Variants in KDM1B observed in about 807,000 individuals in gnomAD.
KDM1B encodes the protein lysine demethylase 1B, also known as lysine-specific histone demethylase 2.
KDM1B carries 63 observed loss-of-function variants against 107.4 expected under a neutral mutation model. That is an observed-to-expected ratio of 0.59 (90% CI 0.48 to 0.72). KDM1B has a LOEUF of 0.72. Among genes scored for constraint, KDM1B ranks in the 30% least tolerant of loss-of-function variants. The probability of loss-of-function intolerance (pLI) is 0.00; values close to 1 mark genes in which losing one functional copy is unlikely to be tolerated. For missense variants in KDM1B, 749 were observed against 1,020.8 expected (o/e 0.73, Z 3.63); for synonymous variants, 363 against 363.9 (o/e 1.00, Z 0.03).
intron 14 of KDM1B, among the ~76,000 whole-genome samples, chr6:18,202,729 T>G (rs1788119290): frequency 6.6e-6 from 1 of 152,214 alleles, no homozygotes; most frequent in South Asian, 2.1e-4. Context: ...AGTTCATCTC[T>G]GTTTGGGGTA....
At chr6:18,163,298 G>C (rs888599900) in intron 5 of KDM1B, among the ~76,000 whole-genome samples, 2 of 152,100 alleles carry the variant, frequency 1.3e-5, no homozygotes, top group Non-Finnish European at 2.9e-5. Context: ...GGGCTCAAAA[G>C]ATCTGCCTGC....
rs190241501 is a variant in KDM1B, at chr6:18,186,742, G to A, written c.573+932G>A. On this transcript the variant is annotated intron_variant, in intron 8 of 21. Transcript: ENST00000650836. This position sits in a 1 kb window ranked among gnomAD's most constrained non-coding sequence, Gnocchi z 5.6. ...AGGAAGCAAATGTGTCCTTCATGAT[G>A]GCTGGAAGGAGAAGTGTCAAGCAAA... Among the ~76,000 whole-genome samples the A allele has an allele frequency of 6.6e-6, 1 of 152,136 alleles. No individual in the cohort carries two copies. Among genetic ancestry groups the A allele is most frequent in the East Asian group, 1.9e-4 (1 of 5,166 alleles).
At position 18,185,229 on chromosome 6, in the gene KDM1B, C is replaced by T. The variant is rs577719991; in HGVS notation, c.535-543C>T. 7.9e-4 allele frequency among the ~76,000 whole-genome samples: 119 copies of T among 151,578 alleles called. 1 individual carries two copies. The highest frequency in any genetic ancestry group is 1.2e-3 in the Non-Finnish European group (82 of 67,970). On this transcript the variant is annotated intron_variant, in intron 7 of 21. Transcript: ENST00000650836. ...ATGTTCGTATTTTGTCACCGCCCTT[C>T]GTGGTTGTTATATGCCTTTATTTTC...
intron 20 of KDM1B, among the ~76,000 whole-genome samples, chr6:18,215,465 C>T (rs1053936325): frequency 4.6e-5 from 7 of 152,244 alleles, no homozygotes; most frequent in Non-Finnish European, 2.9e-5. Flanking sequence ...TGTGTCCTCA[C>T]ATGGGCTTCC....
intron 7 of KDM1B, among the ~76,000 whole-genome samples, chr6:18,181,507 G>C (rs908544391): frequency 1.3e-5 from 2 of 152,220 alleles, no homozygotes; most frequent in Non-Finnish European, 2.9e-5. Flanking sequence ...GCTCATGCCT[G>C]TAATTTCAGC....
chr6:18,213,631 C>T lies in KDM1B; in HGVS notation c.1984-25C>T. On this transcript the variant is annotated intron_variant, in intron 18 of 21. Coordinates refer to ENST00000650836, the MANE Select transcript of KDM1B (RefSeq NM_001364614.2). The surrounding 1 kb of genome is among the most constrained non-coding windows in gnomAD (Gnocchi z 5.9). Reference sequence around the variant, plus strand: ...GGTTTTGTGACGACAGACACCTAACCACCTTTCTTCTGCTCACTTTGCAGA... The same window carrying T: ...GGTTTTGTGACGACAGACACCTAACTACCTTTCTTCTGCTCACTTTGCAGA... 6.2e-7 allele frequency: 1 copy of T among 1,613,388 alleles called. No homozygotes were observed. Among genetic ancestry groups the T allele is most frequent in the South Asian group, 1.1e-5 (1 of 91,016 alleles).
At chr6:18,199,748 T>C (rs1787912502) in intron 12 of KDM1B, among the ~76,000 whole-genome samples, 1 of 151,986 alleles carries the variant, frequency 6.6e-6, no homozygotes, top group South Asian at 2.1e-4. Flanking sequence ...TTAAAGCTTA[T>C]TTGCAGTCCT....
chr6:18,180,479 T>C (rs1786384250), intron 7 of KDM1B, among the ~76,000 whole-genome samples: 1 of 152,208 alleles, frequency 6.6e-6, no homozygotes, highest in Non-Finnish European at 1.5e-5. Flanking sequence ...TATGCGATGA[T>C]TCTAAAAGTT....
intron 21 of KDM1B, 69 bp from the exon 22 acceptor site, chr6:18,221,840 C>T: frequency 7.9e-7 from 1 of 1,266,022 alleles, no homozygotes; most frequent in Non-Finnish European, 1.1e-6. Context: ...TAAAGTCTAA[C>T]CTTGTTTTAC....
chr6:18,209,488 A>G lies in KDM1B; in HGVS notation c.1866+1282A>G, dbSNP rs1788666030. Among the ~76,000 whole-genome samples the G allele has an allele frequency of 1.3e-5, 2 of 152,198 alleles. No individual in the cohort carries two copies. The highest frequency in any genetic ancestry group is 1.3e-4 in the Admixed American group (2 of 15,282). ...CCTAACATTATTCCTGCCATTAACCAACTCGGAGATCTTGGGCAGCAATCC... is the reference window on the plus strand; with the variant it reads ...CCTAACATTATTCCTGCCATTAACCGACTCGGAGATCTTGGGCAGCAATCC... On this transcript the variant is annotated intron_variant, in intron 17 of 21. Transcript: ENST00000650836. This position sits in a 1 kb window ranked among gnomAD's most constrained non-coding sequence, Gnocchi z 4.3.
chr6:18,160,481 G>A (rs1254649169), intron 3 of KDM1B, among the ~76,000 whole-genome samples: 1 of 152,168 alleles, frequency 6.6e-6, no homozygotes, highest in East Asian at 1.9e-4. Context: ...TACACCACCT[G>A]CAATCCCAGC....
At chr6:18,208,627 ATTTTTTTTTTTTTTTT>A (rs1167715268) in intron 17 of KDM1B, among the ~76,000 whole-genome samples, 3 of 25,724 alleles carry the variant, frequency 1.2e-4, no homozygotes, top group Admixed American at 8.1e-4. Context: ...ATATATATAT[ATTTTTTTTTTTTTTTT>A]TTTTTTTTTT....
At chr6:18,158,766 T>C (rs981445001) in intron 2 of KDM1B, among the ~76,000 whole-genome samples, 1 of 152,204 alleles carries the variant, frequency 6.6e-6, no homozygotes, top group Non-Finnish European at 1.5e-5. Flanking sequence ...TCTTAATCTT[T>C]CATAGCTGCT....
chr6:18,197,516 T>G lies in KDM1B; in HGVS notation c.1147-71T>G. 1 of 1,219,328 alleles carries G rather than the reference T, an allele frequency of 8.2e-7. No homozygotes were observed. Among genetic ancestry groups the G allele is most frequent in the Non-Finnish European group, 1.2e-6 (1 of 833,016 alleles). 75.5% of individuals were successfully genotyped at this position (1,219,328 alleles called of 1,614,324 possible). A position where few individuals can be genotyped will look rare whatever the true frequency, so the allele number is the denominator to read the frequency against. On this transcript the variant is annotated intron_variant, in intron 11 of 21. Coordinates refer to ENST00000650836, the MANE Select transcript of KDM1B (RefSeq NM_001364614.2). This position sits in a 1 kb window ranked among gnomAD's most constrained non-coding sequence, Gnocchi z 4.5. ...GTAAATGAACGAATTTGCTCTGCAG[T>G]TCCGGAACAACTAAAACAGGACGTT...
Position 18,175,427 on chromosome 6 carries a change from C to T in KDM1B, c.534+3948C>T, listed in dbSNP as rs183063476. ...GGTTGTGAAGATTTTCTCCCACTCT[C>T]TGGGTTGTCTGTTTACTCTGCTGAT... On this transcript the variant is annotated intron_variant, in intron 7 of 21. Transcript: ENST00000650836. 3.7e-4 allele frequency among the ~76,000 whole-genome samples: 56 copies of T among 152,278 alleles called. 1 individual carries two copies. Among genetic ancestry groups the T allele is most frequent in the African/African-American group, 1.3e-3 (55 of 41,568 alleles).
At chr6:18,160,748 A>G (rs1272121408) in intron 3 of KDM1B, among the ~76,000 whole-genome samples, 1 of 149,528 alleles carries the variant, frequency 6.7e-6, no homozygotes, top group East Asian at 2.0e-4. Context: ...AAAAAAAAAA[A>G]TAGAGGGTAT....
chr6:18,179,775 C>T (rs745681791), intron 7 of KDM1B, among the ~76,000 whole-genome samples: 1 of 148,570 alleles, frequency 6.7e-6, no homozygotes, highest in African/African-American at 2.5e-5. Flanking sequence ...AAGCATTGAC[C>T]TGAGCCTGGG....
chr6:18,210,171 G>T (rs1317517615), intron 17 of KDM1B, among the ~76,000 whole-genome samples: 1 of 152,102 alleles, frequency 6.6e-6, no homozygotes, highest in Admixed American at 6.6e-5. Context: ...CCCCAAACTT[G>T]TAAGAGAATA....
intron 9 of KDM1B, 84 bp downstream of exon 9, chr6:18,188,086 T>C: frequency 8.0e-7 from 1 of 1,250,848 alleles, no homozygotes; most frequent in Non-Finnish European, 1.1e-6. Context: ...ACGCAAAGGA[T>C]TTTTTTTAAA....
Sources: allele counts gnomAD v4.1 joint callset (sites outside exome capture counted in the v4.1 genomes callset), GRCh38; gene constraint gnomAD v4.1.1; non-coding constraint Gnocchi (gnomAD v3.1); transcripts MANE v1.5; gene names NCBI Gene and HGNC (gene_info 2026-07-23, HGNC 2026-07-21).